Variants in SPAG16 observed in about 807,000 individuals in gnomAD.
SPAG16 encodes the protein sperm-associated antigen 16 protein.
SPAG16 carries 86 observed loss-of-function variants against 80.4 expected under a neutral mutation model. The observed-to-expected ratio is 1.07, with a 90% CI of 0.90 to 1.28. SPAG16 has a LOEUF of 1.28. Among genes scored for constraint, SPAG16 ranks in the 50% most tolerant of loss-of-function variants. The pLI, the probability that SPAG16 is intolerant of heterozygous loss-of-function variation, is 0.00. For synonymous variants in SPAG16, 294 were observed against 265.9 expected, an observed-to-expected ratio of 1.11 and a Z score of -1.03; for missense variants, 870 against 765.3, an observed-to-expected ratio of 1.14 and a Z score of -1.61.
intron 10 of SPAG16, among the ~76,000 whole-genome samples, chr2:213,720,146 T>C (rs952864475): frequency 1.3e-5 from 2 of 152,076 alleles, no homozygotes; most frequent in Non-Finnish European, 2.9e-5. Flanking sequence ...TGAGAATTCA[T>C]GGGCACACGG....
intron 15 of SPAG16, among the ~76,000 whole-genome samples, chr2:214,376,166 A>G (rs187759055): frequency 6.6e-6 from 1 of 152,304 alleles, no homozygotes; most frequent in Admixed American, 6.5e-5. Context: ...GAGAAACAAA[A>G]TAGAAGCCGA....
At chr2:213,462,151 GTTA>G (rs1291303690) in intron 9 of SPAG16, among the ~76,000 whole-genome samples, 1 of 152,188 alleles carries the variant, frequency 6.6e-6, no homozygotes, top group African/African-American at 2.4e-5. Context: ...AGATTGACTT[GTTA>G]TCTTACCCCA....
chr2:214,016,941 T>C (rs187651315), intron 13 of SPAG16, among the ~76,000 whole-genome samples: 14 of 152,162 alleles, frequency 9.2e-5, no homozygotes, highest in African/African-American at 3.4e-4. Context: ...AGGAATATGG[T>C]AATGGACATG....
At chr2:214,351,719 C>CA (rs56113142) in intron 15 of SPAG16, among the ~76,000 whole-genome samples, 4,647 of 148,606 alleles carry the variant, frequency 0.031, 91 homozygotes, top group Middle Eastern at 0.049. Context: ...AACAAACAAA[C>CA]AAAAAAAACA....
At chr2:213,287,609 C>T (rs528074368) in intron 1 of SPAG16, among the ~76,000 whole-genome samples, 1 of 152,246 alleles carries the variant, frequency 6.6e-6, no homozygotes, top group Non-Finnish European at 1.5e-5. Flanking sequence ...CATTCTAATA[C>T]TAAGGATTTG....
intron 10 of SPAG16, among the ~76,000 whole-genome samples, chr2:213,593,000 C>T (rs922500627): frequency 6.6e-6 from 1 of 151,622 alleles, no homozygotes; most frequent in African/African-American, 2.4e-5. Context: ...ACCCCACCAA[C>T]ACCACCATGT....
chr2:213,695,857 A>G (rs1030255937), intron 10 of SPAG16, among the ~76,000 whole-genome samples: 4 of 152,214 alleles, frequency 2.6e-5, no homozygotes, highest in African/African-American at 9.6e-5. Flanking sequence ...AATGTAGGTT[A>G]TGCAGGAAGC....
At chr2:213,544,267 A>G (rs538831519) in intron 10 of SPAG16, among the ~76,000 whole-genome samples, 3 of 152,148 alleles carry the variant, frequency 2.0e-5, no homozygotes, top group African/African-American at 7.2e-5. Context: ...TTCCTGCATA[A>G]TCTTTCTTCA....
At chr2:213,715,271 T>TC (rs2066190823) in intron 10 of SPAG16, among the ~76,000 whole-genome samples, 1 of 152,144 alleles carries the variant, frequency 6.6e-6, no homozygotes, top group Admixed American at 6.5e-5. Context: ...TATCTATCCA[T>TC]TCATCCATCT....
chr2:213,486,928 T>A (rs2074004495), intron 9 of SPAG16, among the ~76,000 whole-genome samples: 1 of 152,110 alleles, frequency 6.6e-6, no homozygotes, highest in Non-Finnish European at 1.5e-5. Flanking sequence ...TTAATGAACA[T>A]GTTAGGTGAC....
chr2:213,735,258 C>T (rs993324218), intron 10 of SPAG16, among the ~76,000 whole-genome samples: 2 of 152,160 alleles, frequency 1.3e-5, no homozygotes, highest in Admixed American at 1.3e-4. Flanking sequence ...TGGAGCAACT[C>T]TTTACCAGAT....
At chr2:213,910,276 ATAAAC>A (rs1003384844) in intron 11 of SPAG16, among the ~76,000 whole-genome samples, 1 of 152,214 alleles carries the variant, frequency 6.6e-6, no homozygotes, top group African/African-American at 2.4e-5. Context: ...GGAAATAGTG[ATAAAC>A]TATTCTACAT....
Position 213,932,175 on chromosome 2 carries a change from TATATATATATATATA to T in SPAG16, c.1400+2031_1400+2045del, listed in dbSNP as rs1389083627. On this transcript the variant is annotated intron_variant, in intron 12 of 15. Transcript: ENST00000331683. ...ATATATATATATATATATATATATA[TATATATATATATATA>T]TATATATATTTGTTGTTGTTGTTGT... Among the ~76,000 whole-genome samples the T allele has an allele frequency of 6.1e-3, 159 of 26,150 alleles. 2 individuals are homozygous for T. In the South Asian group the frequency reaches 0.13, roughly 21 times the overall value. 17.2% of individuals were successfully genotyped at this position (26,150 alleles called of 152,430 possible). A position where few individuals can be genotyped will look rare whatever the true frequency, so the allele number is the denominator to read the frequency against.
At chr2:214,133,192 A>C (rs2054875027) in intron 14 of SPAG16, among the ~76,000 whole-genome samples, 1 of 151,944 alleles carries the variant, frequency 6.6e-6, no homozygotes. Flanking sequence ...TGGACTGGTA[A>C]TTCCCTGTTG....
At position 213,310,103 on chromosome 2, in the gene SPAG16, A is replaced by G. The variant is rs1418137002; in HGVS notation, c.324A>G (p.Val108=). 6.2e-7 allele frequency: 1 copy of G among 1,612,000 alleles called. No homozygotes were observed. The highest frequency in any genetic ancestry group is 8.5e-7 in the Non-Finnish European group (1 of 1,178,772). ...VLPSKHAVPE[V]IEDFLCNFLI... ...CTTCAAAGCATGCAGTACCTGAAGTAATAGAAGACTTTCTCTGCAATTTCT... is the reference window on the plus strand; with the variant it reads ...CTTCAAAGCATGCAGTACCTGAAGTGATAGAAGACTTTCTCTGCAATTTCT... The change falls in exon 4 of 16, where the codon GTA becomes GTG. Residue 108 remains valine (V), a synonymous_variant. Transcript: ENST00000331683.
intron 10 of SPAG16, among the ~76,000 whole-genome samples, chr2:213,571,970 C>T (rs1471439664): frequency 1.5e-5 from 2 of 129,110 alleles, no homozygotes; most frequent in South Asian, 2.5e-4. Context: ...CTTCCCTTCT[C>T]GCTTCATTTC....
At chr2:214,289,860 G>C (rs1424275917) in intron 15 of SPAG16, among the ~76,000 whole-genome samples, 1 of 152,100 alleles carries the variant, frequency 6.6e-6, no homozygotes, top group Non-Finnish European at 1.5e-5. Context: ...CCATAAGCCT[G>C]GGATACTGAA....
chr2:213,785,244 A>G (rs2070264274), intron 10 of SPAG16, among the ~76,000 whole-genome samples: 1 of 152,182 alleles, frequency 6.6e-6, no homozygotes, highest in East Asian at 1.9e-4. Context: ...AATTCATAAG[A>G]CGCACTGAGA....
At chr2:214,308,989 T>G (rs1695109944) in intron 15 of SPAG16, among the ~76,000 whole-genome samples, 1 of 152,088 alleles carries the variant, frequency 6.6e-6, no homozygotes, top group African/African-American at 2.4e-5. Flanking sequence ...GTTTTCCCAA[T>G]TGGTTTCATT....
Sources: gnomAD v4.1 joint callset for allele counts (sites outside exome capture counted in the v4.1 genomes callset) on GRCh38, gnomAD v4.1.1 for gene constraint, MANE v1.5 for transcripts, NCBI Gene and HGNC (gene_info 2026-07-23, HGNC 2026-07-21) for gene names.